The following TACC1 variants were observed in gnomAD, a reference collection of about 807,000 sequenced individuals.
The protein encoded by TACC1 is transforming acidic coiled-coil containing protein 1.
A neutral mutation model predicts 84.4 loss-of-function variants in TACC1; 48 were observed. That is an observed-to-expected ratio of 0.57 (90% CI 0.45 to 0.72). TACC1 has a LOEUF of 0.72. TACC1 is among the 30% of genes least tolerant of loss of function. The pLI is 0.00. For synonymous variants in TACC1, 372 were observed against 376.3 expected (o/e 0.99, Z 0.13); for missense variants, 920 against 973.0 (o/e 0.95, Z 0.72).
At chr8:38,782,799 T>A (rs187265161), upstream of TACC1, among the ~76,000 whole-genome samples, 23 of 152,338 alleles carry the variant, frequency 1.5e-4, no homozygotes, top group Admixed American at 7.2e-4. Context: ...TTTGGTTTGC[T>A]TGTTTTCAAC....
In TACC1 at chr8:38,734,733, C is replaced by T. The variant is rs573659312; in HGVS notation, c.-675+6062C>T. On this transcript the variant is annotated intron_variant, in intron 1 of 14. Transcript: ENST00000518415. The stretch of plus-strand genomic sequence containing the variant: ...GCTTTGCTTGGCCTGCCGGGCCTGG[C>T]AGTCGCGTTGCTGGCCAGCCTGAGG... Among the ~76,000 whole-genome samples, 1,196 of 152,374 alleles carry T rather than the reference C, an allele frequency of 7.8e-3. 10 individuals carry two copies. Among genetic ancestry groups the T allele is most frequent in the Non-Finnish European group, 0.013 (896 of 68,032 alleles).
rs1056630776 is a variant in TACC1 at position 38,819,869 on chromosome 8, G to A, written c.625G>A (p.Ala209Thr). Residue 209 changes from alanine to threonine, a missense_variant, in exon 3 of 13, where the codon GCA (alanine) becomes ACA (threonine). Around this residue, in one of 2 missense-constraint regions of TACC1, gnomAD observed 762 missense variants for 747.3 expected, o/e 1.02. Transcript: ENST00000317827. Reference sequence around the variant, plus strand: ...CATGGGGGTCACCCTCGAGGCCTCCGCAGAAGCTGATCTAAAAGCTGGCAA... The same window carrying A: ...CATGGGGGTCACCCTCGAGGCCTCCACAGAAGCTGATCTAAAAGCTGGCAA... ...GSMGVTLEAS[A>T]EADLKAGNSC... is the part of the protein sequence containing the mutation. The A allele has an allele frequency of 5.0e-6, 8 of 1,613,832 alleles. No homozygotes were observed. The highest frequency in any genetic ancestry group is 1.1e-5 in the South Asian group (1 of 91,088).
chr8:38,812,692 A>C (rs1025728373), intron 2 of TACC1, among the ~76,000 whole-genome samples: 3 of 152,216 alleles, frequency 2.0e-5, no homozygotes, highest in African/African-American at 4.8e-5. Context: ...TGCTCTTAGA[A>C]TAGAACCAGA....
At position 38,851,853 on chromosome 8, in the gene TACC1, C is replaced by G. The variant is rs961010041; in HGVS notation, c.*3830C>G. On this transcript the variant is annotated 3_prime_UTR_variant, in exon 13 of 13. Transcript: ENST00000317827. ...ATATAGTCTGGGAATCCCAGAATGT[C>G]AAGCCAAAGGTCTAAGAAGTCATCT... The G allele has an allele frequency of 4.5e-6, 2 of 445,740 alleles. No homozygotes were observed. Among genetic ancestry groups the G allele is most frequent in the African/African-American group, 4.0e-5 (2 of 49,632 alleles). 27.6% of individuals were successfully genotyped at this position (445,740 alleles called of 1,614,324 possible). A position where few individuals can be genotyped will look rare whatever the true frequency, so the allele number is the denominator to read the frequency against.
intron 3 of TACC1, among the ~76,000 whole-genome samples, chr8:38,780,202 G>A (rs549705689): frequency 6.0e-4 from 92 of 152,208 alleles, no homozygotes; most frequent in Non-Finnish European, 1.3e-4. Context: ...CCAATGGTTC[G>A]ATTTTTATTA....
At chr8:38,753,683 C>T (rs1449261252) in intron 3 of TACC1, among the ~76,000 whole-genome samples, 3 of 152,200 alleles carry the variant, frequency 2.0e-5, no homozygotes, top group Non-Finnish European at 4.4e-5. Flanking sequence ...TTCACTGTGT[C>T]CACTCAGCCT....
intron 2 of TACC1, among the ~76,000 whole-genome samples, chr8:38,795,661 G>A (rs1819800842): frequency 6.6e-6 from 1 of 152,208 alleles, no homozygotes; most frequent in African/African-American, 2.4e-5. Context: ...ATCCAGAGTA[G>A]CGATGGGAGA....
intron 9 of TACC1, chr8:38,840,481 T>C: frequency 4.7e-6 from 2 of 422,360 alleles, no homozygotes; most frequent in South Asian, 3.6e-5. Flanking sequence ...CTGGGGTCTC[T>C]TTTATAAGGA....
At chr8:38,799,617 CT>C (rs1380503861) in intron 2 of TACC1, 1 of 152,230 alleles carries the variant, frequency 6.6e-6, no homozygotes, top group East Asian at 1.9e-4. Context: ...AAAAATCCCC[CT>C]GCCCACAAAG....
intron 2 of TACC1, chr8:38,742,477 A>G: frequency 1.3e-6 from 2 of 1,495,248 alleles, no homozygotes; most frequent in Non-Finnish European, 1.8e-6. Context: ...GACATTGAAT[A>G]TACCTGGGAT....
chr8:38,842,155 G>C lies in TACC1; in HGVS notation c.1961-132G>C, dbSNP rs776214760. 162 of 1,023,026 alleles carry C rather than the reference G, an allele frequency of 1.6e-4. 1 individual carries two copies. Among genetic ancestry groups the C allele is most frequent in the Middle Eastern group, 8.7e-4 (3 of 3,466 alleles). 63.4% of individuals were successfully genotyped at this position (1,023,026 alleles called of 1,614,324 possible). On this transcript the variant is annotated intron_variant, in intron 9 of 12. Coordinates refer to ENST00000317827, the MANE Select transcript of TACC1 (RefSeq NM_006283.3). Reference sequence around the variant, plus strand: ...TGTTACCACGCGTCTCCCCCAACTAGAGTATAAGCCATAAGAGCGGGAATT... The same window carrying C: ...TGTTACCACGCGTCTCCCCCAACTACAGTATAAGCCATAAGAGCGGGAATT...
chr8:38,781,216 T>C (rs1815886447), intron 3 of TACC1, among the ~76,000 whole-genome samples: 1 of 152,186 alleles, frequency 6.6e-6, no homozygotes, highest in Non-Finnish European at 1.5e-5. Flanking sequence ...AATATATTTA[T>C]GAGGATAGTG....
At chr8:38,760,372 G>A (rs1810979692) in intron 3 of TACC1, among the ~76,000 whole-genome samples, 1 of 152,214 alleles carries the variant, frequency 6.6e-6, no homozygotes, top group Non-Finnish European at 1.5e-5. Context: ...AGGCCGTACA[G>A]GAAGGTGATT....
chr8:38,847,803 T>C, intron 12 of TACC1, 152 bp from the exon 13 acceptor site: 1 of 565,838 alleles, frequency 1.8e-6, no homozygotes, highest in Non-Finnish European at 3.1e-6. Flanking sequence ...GTAGCCTTTT[T>C]TTCTTTAAAG....
chr8:38,841,906 G>T (rs1278081296), intron 9 of TACC1, among the ~76,000 whole-genome samples: 1 of 152,108 alleles, frequency 6.6e-6, no homozygotes, highest in Admixed American at 6.5e-5. Context: ...TTGCCGAAAT[G>T]ATACTTTCTA....
intron 2 of TACC1, among the ~76,000 whole-genome samples, chr8:38,744,431 C>T (rs7008502): frequency 0.097 from 14,823 of 152,162 alleles, 809 homozygotes; most frequent in South Asian, 0.16. Flanking sequence ...CTTCTATTTA[C>T]ATCCCATTGA....
At chr8:38,801,619 T>G (rs952838301) in intron 2 of TACC1, among the ~76,000 whole-genome samples, 19 of 152,230 alleles carry the variant, frequency 1.2e-4, no homozygotes, top group Admixed American at 1.1e-3. Context: ...TTGATTACTA[T>G]AGCTTTGTAG....
At chr8:38,836,404 C>A in intron 7 of TACC1, 117 bp downstream of exon 7, 1 of 1,433,658 alleles carries the variant, frequency 7.0e-7, no homozygotes, top group South Asian at 1.2e-5. Context: ...GTTCTTATTA[C>A]CTGCAGCTTG....
At chr8:38,747,819 TA>T (rs1808343448) in intron 3 of TACC1, among the ~76,000 whole-genome samples, 1 of 152,216 alleles carries the variant, frequency 6.6e-6, no homozygotes, top group African/African-American at 2.4e-5. Flanking sequence ...ATAGAATGTA[TA>T]ATACCAAGAG....
Sources: gnomAD v4.1 joint callset for allele counts (sites outside exome capture counted in the v4.1 genomes callset) on GRCh38, gnomAD v4.1.1 for gene constraint, gnomAD v4.1.1 regional missense constraint, MANE v1.5 for transcripts, NCBI Gene and HGNC (gene_info 2026-07-23, HGNC 2026-07-21) for gene names.